DOT1L: variants seen among roughly 807,000 people sequenced by gnomAD.
The protein encoded by DOT1L is DOT1 like histone lysine methyltransferase.
A neutral mutation model predicts 153.3 loss-of-function variants in DOT1L; 33 were observed. That is an observed-to-expected ratio of 0.22 (90% confidence interval 0.16 to 0.29). DOT1L has a LOEUF of 0.29. DOT1L is among the 10% of genes least tolerant of loss of function. The pLI is 1.00. For synonymous variants in DOT1L, 1,135 were observed against 965.1 expected (o/e 1.18, Z -3.26); for missense variants, 1,847 against 2,119.9 (o/e 0.87, Z 2.53).
chr19:2,205,594 T>C (rs111942893), intron 9 of DOT1L, among the ~76,000 whole-genome samples: 2,289 of 152,362 alleles, frequency 0.015, 49 homozygotes, highest in African/African-American at 0.051. Context: ...GAAATAATTC[T>C]TTTCGCATGA....
intron 16 of DOT1L, chr19:2,212,330 T>G (rs1407781346): frequency 6.5e-6 from 1 of 153,032 alleles, no homozygotes; most frequent in Non-Finnish European, 1.5e-5. Context: ...ATCCGGCTAA[T>G]TTTTTGTATT....
intron 8 of DOT1L, 41 bp downstream of exon 8, chr19:2,199,980 G>C (rs770436245): frequency 1.9e-6 from 3 of 1,606,256 alleles, no homozygotes; most frequent in Non-Finnish European, 2.6e-6. Flanking sequence ...TGGGGTGTGC[G>C]CTCACAGGCG....
At chr19:2,199,977 T>C in intron 8 of DOT1L, 38 bp downstream of exon 8, 1 of 1,608,262 alleles carries the variant, frequency 6.2e-7, no homozygotes, top group South Asian at 1.1e-5. Context: ...ATGTGGGGTG[T>C]GCGCTCACAG....
rs1022169211 is a variant in DOT1L, at chr19:2,229,333, G to A, written c.4607-452G>A. 33 of 985,444 alleles carry A rather than the reference G, an allele frequency of 3.3e-5. No individual in the cohort carries two copies. In the African/African-American group the frequency reaches 4.5e-4, roughly 14 times the overall value. The allele number at this position is 985,444 out of a possible 1,614,324, so 61.0% of individuals were successfully genotyped here. The stretch of plus-strand genomic sequence containing the variant: ...TGCTTGCCCCTGGCCTTCTGCCTCA[G>A]GGGCCCCTGGGACACAGGCCTTCCT... On this transcript the variant is annotated intron_variant, in intron 27 of 27. Transcript: ENST00000398665.
chr19:2,205,649 G>C (rs1212986959), intron 9 of DOT1L, among the ~76,000 whole-genome samples: 1 of 152,008 alleles, frequency 6.6e-6, no homozygotes, highest in South Asian at 2.1e-4. Flanking sequence ...TCCTGCTTGT[G>C]TACGGCTTGG....
rs751622790 is a variant in DOT1L at position 2,216,378 on chromosome 19, G to A, written c.2021G>A (p.Arg674His). The A allele has an allele frequency of 6.2e-6, 10 of 1,612,358 alleles. No homozygotes were observed. In the South Asian group the frequency reaches 7.7e-5, roughly 12 times the overall value. ...PPDDALSLHL[R>H]GKGALGRELE... is the part of the protein sequence containing the mutation. ...GACGACGCCCTGTCCCTGCACCTGC[G>A]TGGGAAGGGCGCCCTGGGCCGCGAG... The change falls in exon 20 of 28, where the codon CGT becomes CAT. Residue 674 changes from arginine (R) to histidine (H), a missense_variant. Physicochemically the swap from Arg to His is conservative, Grantham distance 29 (BLOSUM62 0). Around this residue, in one of 8 missense-constraint regions of DOT1L, gnomAD observed 281 missense variants for 263.6 expected, o/e 1.07. Transcript: ENST00000398665.
rs528282486 is a variant in DOT1L at position 2,177,578 on chromosome 19, T to C, written c.82-3135T>C. On this transcript the variant is annotated intron_variant, in intron 1 of 27. Coordinates refer to ENST00000398665, the MANE Select transcript of DOT1L (RefSeq NM_032482.3). ...TTAGTATTCGCCACGTTGGCCAGGC[T>C]GGCCTCGAATTCCTGACCTCATGAT... Among the ~76,000 whole-genome samples the C allele has an allele frequency of 9.2e-5, 14 of 152,290 alleles. No homozygotes were observed. The East Asian group carries it at 9.7e-4, about 10-fold the overall frequency.
At chr19:2,187,433 C>T (rs938406569) in intron 3 of DOT1L, among the ~76,000 whole-genome samples, 1 of 152,216 alleles carries the variant, frequency 6.6e-6, no homozygotes, top group Non-Finnish European at 1.5e-5. Context: ...CAGGGACAGG[C>T]TGGGCAGGGG....
chr19:2,218,069 G>C lies in DOT1L; in HGVS notation c.2691+151G>C, dbSNP rs2023971023. 2.5e-6 allele frequency: 3 copies of C among 1,177,324 alleles called. No homozygotes were observed. The African/African-American group carries it at 4.6e-5, about 18-fold the overall frequency. 72.9% of individuals were successfully genotyped at this position (1,177,324 alleles called of 1,614,324 possible). On this transcript the variant is annotated intron_variant, in intron 22 of 27. Coordinates refer to ENST00000398665, the MANE Select transcript of DOT1L (RefSeq NM_032482.3). ...AAGGTGGGCTGTCCAAAGCCGGGGC[G>C]TGTCCGGTGACCTGGGCCGTTGTTT...
At chr19:2,194,490 G>T in intron 6 of DOT1L, 25 bp from the exon 7 acceptor site, 1 of 1,613,778 alleles carries the variant, frequency 6.2e-7, no homozygotes, top group South Asian at 1.1e-5. Flanking sequence ...AGTTTGTAAC[G>T]GGCGTTTGGT....
intron 1 of DOT1L, among the ~76,000 whole-genome samples, chr19:2,176,611 G>A (rs371754327): frequency 2.4e-4 from 37 of 152,292 alleles, no homozygotes; most frequent in African/African-American, 8.7e-4. Context: ...TAAGGCCTGC[G>A]CCTGTGAGAA....
rs933359814 is a variant in DOT1L at position 2,193,611 on chromosome 19, T to G, written c.494-78T>G. 2.1e-6 allele frequency: 3 copies of G among 1,424,132 alleles called. No homozygotes were observed. The African/African-American group carries it at 4.2e-5, about 20-fold the overall frequency. The allele number at this position is 1,424,132 out of a possible 1,614,324, so 88.2% of individuals were successfully genotyped here. On this transcript the variant is annotated intron_variant, in intron 5 of 27. Transcript: ENST00000398665. This position sits in a 1 kb window ranked among gnomAD's most constrained non-coding sequence, Gnocchi z 5.9. ...TCTTCATGGCCGCATTCTTGTGGCC[T>G]CTGTCTCCGAGCCTAGCACGGCCTC...
rs922629054 is a variant in DOT1L at position 2,232,414 on chromosome 19, T to C, written c.*2622T>C. The C allele has an allele frequency of 2.0e-5, 4 of 197,636 alleles. No homozygotes were observed. Among genetic ancestry groups the C allele is most frequent in the Non-Finnish European group, 4.1e-5 (4 of 98,426 alleles). The allele number at this position is 197,636 out of a possible 1,614,324, so 12.2% of individuals were successfully genotyped here. A position where few individuals can be genotyped will look rare whatever the true frequency, so the allele number is the denominator to read the frequency against. ...AACACGCTGCTGGTCTGTGTCAGCC[T>C]TTGTAACGTGGGAGGCTCTGCCGTG... is the stretch of plus-strand genomic sequence containing the variant. On this transcript the variant is annotated 3_prime_UTR_variant, in exon 28 of 28. Coordinates refer to ENST00000398665, the MANE Select transcript of DOT1L (RefSeq NM_032482.3).
At position 2,223,152 on chromosome 19, in the gene DOT1L, C is replaced by T. The variant is rs2024193396; in HGVS notation, c.3391-129C>T. On this transcript the variant is annotated intron_variant, in intron 24 of 27. Coordinates refer to ENST00000398665, the MANE Select transcript of DOT1L (RefSeq NM_032482.3). ...ACCAGGACAGGGGCTGTACTGGCCG[C>T]TGGGCAGGGCATCAGTTTCCTCAGG... is the stretch of plus-strand genomic sequence containing the variant. The T allele has an allele frequency of 8.1e-6, 8 of 982,810 alleles. No homozygotes were observed. In the South Asian group the frequency reaches 1.2e-4, roughly 15 times the overall value. The allele number at this position is 982,810 out of a possible 1,614,324, so 60.9% of individuals were successfully genotyped here.
At chr19:2,218,698 C>T (rs1181153623) in intron 22 of DOT1L, among the ~76,000 whole-genome samples, 2 of 145,388 alleles carry the variant, frequency 1.4e-5, no homozygotes, top group South Asian at 2.2e-4. Context: ...TGGCCTCTTT[C>T]TTTTTTTTTA....
At chr19:2,200,932 A>T (rs1342539399) in intron 8 of DOT1L, among the ~76,000 whole-genome samples, 1 of 61,862 alleles carries the variant, frequency 1.6e-5, no homozygotes, top group African/African-American at 6.6e-5. Context: ...CGTATTCCTC[A>T]TCCTCCCCGC....
Position 2,189,031 on chromosome 19 carries a change from C to T in DOT1L, c.201-701C>T, listed in dbSNP as rs1184465926. On this transcript the variant is annotated intron_variant, in intron 3 of 27. Transcript: ENST00000398665. ...TAGGTAATGAGGGTTTGCCTTGCGG[C>T]CAGGGCAAGGAGGGCAGAGTTGCTG... Among the ~76,000 whole-genome samples the T allele has an allele frequency of 3.3e-5, 5 of 152,226 alleles. No homozygotes were observed. The South Asian group carries it at 1.0e-3, about 32-fold the overall frequency.
chr19:2,212,140 C>T (rs181678427), intron 16 of DOT1L: 22 of 316,846 alleles, frequency 6.9e-5, no homozygotes, highest in African/African-American at 2.2e-4. Context: ...GTCCCTCCCC[C>T]GGTTCCTCAA....
chr19:2,207,635 G>A lies in DOT1L; in HGVS notation c.918G>A (p.Thr306=), dbSNP rs749742005. The A allele has an allele frequency of 1.5e-5, 24 of 1,612,654 alleles. No individual in the cohort carries two copies. Among genetic ancestry groups the A allele is most frequent in the Admixed American group, 3.3e-5 (2 of 59,970 alleles). ...CCCTGAAGGGCTCGGTGTCGTGGACGGGGAAGCCAGTCTCCTACTACCTGC... is the reference window on the plus strand; with the variant it reads ...CCCTGAAGGGCTCGGTGTCGTGGACAGGGAAGCCAGTCTCCTACTACCTGC... The part of the protein sequence containing the change: ...LSPLKGSVSW[T]GKPVSYYLHT... Residue 306 remains threonine (T), a synonymous_variant, in exon 11 of 28, where the codon ACG becomes ACA. Coordinates refer to ENST00000398665, the MANE Select transcript of DOT1L (RefSeq NM_032482.3). The surrounding 1 kb of genome is among the most constrained non-coding windows in gnomAD (Gnocchi z 4.5).
Sources: gnomAD v4.1 joint callset for allele counts (sites outside exome capture counted in the v4.1 genomes callset) on GRCh38, gnomAD v4.1.1 for gene constraint, gnomAD v4.1.1 regional missense constraint, Gnocchi (gnomAD v3.1) non-coding constraint, MANE v1.5 for transcripts, NCBI Gene and HGNC (gene_info 2026-07-23, HGNC 2026-07-21) for gene names.